The following DLG2 variants were observed in gnomAD, a reference collection of about 807,000 sequenced individuals.
The protein encoded by DLG2 is discs large MAGUK scaffold protein 2, also known as disks large homolog 2.
DLG2 carries 45 observed loss-of-function variants against 132.5 expected under a neutral mutation model. That is an observed-to-expected ratio of 0.34 (90% confidence interval 0.27 to 0.44). The LOEUF is 0.44. DLG2 is among the 20% of genes least tolerant of loss of function. The pLI, the probability that DLG2 is intolerant of heterozygous loss-of-function variation, is 1.00. For synonymous variants in DLG2, 424 were observed against 419.6 expected, an observed-to-expected ratio of 1.01 and a Z score of -0.13; for missense variants, 1,045 against 1,196.9, an observed-to-expected ratio of 0.87 and a Z score of 1.87.
intron 9 of DLG2, among the ~76,000 whole-genome samples, chr11:84,142,040 AC>A (rs2094873157): frequency 6.6e-6 from 1 of 151,962 alleles, no homozygotes; most frequent in Non-Finnish European, 1.5e-5. Context: ...ATGATGGCTC[AC>A]CCCTGTAATC....
At chr11:83,588,034 C>A (rs2097121283) in intron 19 of DLG2, among the ~76,000 whole-genome samples, 3 of 152,216 alleles carry the variant, frequency 2.0e-5, no homozygotes, top group Admixed American at 2.0e-4. Context: ...GATCAAACTG[C>A]AAGGCGGCAG....
At chr11:83,626,482 A>C (rs1188258824) in intron 19 of DLG2, among the ~76,000 whole-genome samples, 1 of 152,190 alleles carries the variant, frequency 6.6e-6, no homozygotes, top group Non-Finnish European at 1.5e-5. Context: ...GGCATGAAGG[A>C]ATCAATTTAT....
intron 18 of DLG2, among the ~76,000 whole-genome samples, chr11:83,641,043 T>G (rs1460228058): frequency 2.0e-5 from 3 of 152,224 alleles, no homozygotes; most frequent in African/African-American, 7.2e-5. Flanking sequence ...ATTGTTGTTC[T>G]GAATATCCAA....
chr11:84,846,039 C>T lies in DLG2; in HGVS notation c.357+265622G>A, dbSNP rs191649055. On this transcript the variant is annotated intron_variant, in intron 6 of 27. Transcript: ENST00000376104. Reference sequence around the variant, plus strand: ...GTCTTCTTTGCTGTCTTTTTTTCCTCTTCCTGACCTTTAAAAGTTGGAGTT... The same window carrying T: ...GTCTTCTTTGCTGTCTTTTTTTCCTTTTCCTGACCTTTAAAAGTTGGAGTT... 2.6e-3 allele frequency among the ~76,000 whole-genome samples: 395 copies of T among 151,990 alleles called. 2 individuals are homozygous for T. Among genetic ancestry groups the T allele is most frequent in the African/African-American group, 9.3e-3 (385 of 41,496 alleles).
rs117066641 is a variant in DLG2, at chr11:84,063,379, G to A, written c.750-3895C>T. The stretch of plus-strand genomic sequence containing the variant: ...AAAAAGGATAGTCTATCGGTAGCCC[G>A]TATTCAAAGAGTCACATCTAAATTT... On this transcript the variant is annotated intron_variant, in intron 10 of 27. Coordinates refer to ENST00000376104, the MANE Select transcript of DLG2 (RefSeq NM_001142699.3). 4.4e-3 allele frequency among the ~76,000 whole-genome samples: 675 copies of A among 152,298 alleles called. 2 individuals are homozygous for A. The highest frequency in any genetic ancestry group is 6.3e-3 in the Non-Finnish European group (428 of 68,032).
intron 14 of DLG2, 119 bp from the exon 15 acceptor site, chr11:83,930,602 G>T (rs987961390): frequency 4.7e-6 from 5 of 1,075,200 alleles, no homozygotes; most frequent in South Asian, 1.9e-5. Flanking sequence ...ATCTTGATTT[G>T]TTACTAAAAG....
Position 83,878,185 on chromosome 11 carries a change from A to G in DLG2, c.1497-3697T>C, listed in dbSNP as rs188632738. The stretch of plus-strand genomic sequence containing the variant: ...ATCACTAAGATTTATTCACATGCCC[A>G]TTTCTCCTACAAAGTCATGTGTGCT... On this transcript the variant is annotated intron_variant, in intron 15 of 27. Transcript: ENST00000376104. 2.6e-5 allele frequency among the ~76,000 whole-genome samples: 4 copies of G among 152,302 alleles called. No individual in the cohort carries two copies. The East Asian group carries it at 5.8e-4, about 22-fold the overall frequency.
intron 10 of DLG2, among the ~76,000 whole-genome samples, chr11:84,063,959 G>C (rs1306018244): frequency 2.1e-5 from 3 of 142,214 alleles, no homozygotes; most frequent in African/African-American, 7.9e-5. Context: ...ACCGGGGCCT[G>C]TTGTGGGGTG....
At chr11:83,498,270 A>G (rs1283107578) in intron 21 of DLG2, among the ~76,000 whole-genome samples, 1 of 152,150 alleles carries the variant, frequency 6.6e-6, no homozygotes, top group Non-Finnish European at 1.5e-5. Flanking sequence ...TGCTGACACT[A>G]TAGTTCAATA....
chr11:84,503,663 T>A (rs953558270), intron 7 of DLG2, among the ~76,000 whole-genome samples: 1 of 152,184 alleles, frequency 6.6e-6, no homozygotes, highest in Non-Finnish European at 1.5e-5. Context: ...CAGGGCTAGA[T>A]TGCCTGGTAA....
At chr11:85,567,263 T>A (rs1590859581) in intron 3 of DLG2, among the ~76,000 whole-genome samples, 1 of 152,344 alleles carries the variant, frequency 6.6e-6, no homozygotes, top group Non-Finnish European at 1.5e-5. Flanking sequence ...ATACAGGAAG[T>A]ATTACCATCT....
chr11:84,720,160 C>T (rs906889413), intron 6 of DLG2: 1 of 675,024 alleles, frequency 1.5e-6, no homozygotes, highest in Non-Finnish European at 1.8e-6. Flanking sequence ...CCAAACCCAG[C>T]TGGCTCCCAG....
intron 6 of DLG2, among the ~76,000 whole-genome samples, chr11:84,963,113 A>G (rs1351820167): frequency 6.6e-6 from 1 of 152,180 alleles, no homozygotes; most frequent in Non-Finnish European, 1.5e-5. Context: ...TCAAATGTCT[A>G]ATTACCTTTC....
At chr11:83,945,358 C>T (rs939030392) in intron 14 of DLG2, among the ~76,000 whole-genome samples, 2 of 152,050 alleles carry the variant, frequency 1.3e-5, no homozygotes, top group African/African-American at 4.8e-5. Flanking sequence ...GTTTTTTCTT[C>T]CCAAGTGTGA....
intron 21 of DLG2, among the ~76,000 whole-genome samples, chr11:83,511,552 A>G (rs1485857950): frequency 6.6e-6 from 1 of 152,148 alleles, no homozygotes; most frequent in Non-Finnish European, 1.5e-5. Flanking sequence ...GGAACCACGC[A>G]TGAAAGGGGT....
chr11:84,373,265 C>CAAAAAAAAACAA (rs59038372), intron 7 of DLG2, among the ~76,000 whole-genome samples: 2 of 98,090 alleles, frequency 2.0e-5, no homozygotes, highest in Non-Finnish European at 3.6e-5. Context: ...AAAAAAAAAA[C>CAAAAAAAAACAA]AAAACAAAAA....
chr11:83,531,539 T>C (rs950080072), intron 21 of DLG2, among the ~76,000 whole-genome samples: 10 of 151,994 alleles, frequency 6.6e-5, no homozygotes, highest in Non-Finnish European at 1.3e-4. Flanking sequence ...CCCTCATGCA[T>C]TGTTGTGGAA....
intron 6 of DLG2, among the ~76,000 whole-genome samples, chr11:84,677,337 C>T (rs1296018589): frequency 6.6e-6 from 1 of 152,034 alleles, no homozygotes; most frequent in Non-Finnish European, 1.5e-5. Flanking sequence ...AGTCTGGAAA[C>T]TTCCTGCTGA....
intron 3 of DLG2, among the ~76,000 whole-genome samples, chr11:85,484,930 T>G (rs1426135322): frequency 1.3e-5 from 2 of 152,102 alleles, no homozygotes; most frequent in African/African-American, 4.8e-5. Flanking sequence ...CTATTCACAA[T>G]AGCAAAGACT....
Sources: allele counts gnomAD v4.1 joint callset (sites outside exome capture counted in the v4.1 genomes callset), GRCh38; gene constraint gnomAD v4.1.1; transcripts MANE v1.5; gene names NCBI Gene and HGNC (gene_info 2026-07-23, HGNC 2026-07-21).